TMEM156: variants seen among roughly 807,000 people sequenced by gnomAD.
TMEM156 encodes the protein transmembrane protein 156.
In TMEM156, 28 loss-of-function variants were observed where a neutral mutation model predicts 30.5. The ratio of observed to expected loss-of-function variants is 0.92; its 90% CI spans 0.68 to 1.26. The LOEUF (loss-of-function observed/expected upper bound fraction) is 1.26. Ranked by LOEUF, TMEM156 falls within the 50% of genes most tolerant of loss-of-function variation. TMEM156 has a pLI of 0.00. For synonymous variants in TMEM156, 137 were observed against 119.9 expected, an observed-to-expected ratio of 1.14 and a Z score of -0.93; for missense variants, 351 against 340.6, an observed-to-expected ratio of 1.03 and a Z score of -0.24.
At chr4:39,021,631 A>AT (rs1338068728) in intron 1 of TMEM156, among the ~76,000 whole-genome samples, 3 of 152,092 alleles carry the variant, frequency 2.0e-5, no homozygotes, top group Admixed American at 1.3e-4. Flanking sequence ...TATGCAGAAG[A>AT]TTTTTAGTTT....
chr4:38,971,167 A>G (rs760469289), intron 5 of TMEM156, 30 bp from the exon 6 acceptor site: 7 of 1,602,610 alleles, frequency 4.4e-6, no homozygotes, highest in Middle Eastern at 1.7e-4. Flanking sequence ...GTTTTAGTCT[A>G]TATGTAGTAA....
At position 38,988,985 on chromosome 4, in the gene TMEM156, A is replaced by G. The variant is rs1186076386; in HGVS notation, c.620-15T>C. 7.5e-6 allele frequency: 12 copies of G among 1,605,378 alleles called. No individual in the cohort carries two copies. Among genetic ancestry groups the G allele is most frequent in the African/African-American group, 2.7e-5 (2 of 74,482 alleles). The stretch of plus-strand genomic sequence containing the variant: ...ACAAGTGATATCTGTAAAGAAAACA[A>G]ATACTGTAAAAACCCAGTAAAATTA... On this transcript the variant is annotated splice_polypyrimidine_tract_variant and intron_variant, in intron 3 of 6. Coordinates refer to ENST00000381938, the MANE Select transcript of TMEM156 (RefSeq NM_024943.3).
intron 5 of TMEM156, among the ~76,000 whole-genome samples, chr4:38,971,841 G>C (rs918093877): frequency 1.3e-5 from 2 of 152,126 alleles, no homozygotes; most frequent in Non-Finnish European, 1.5e-5. Context: ...CCAGCCTAGA[G>C]TGCAATGGTG....
intron 6 of TMEM156, among the ~76,000 whole-genome samples, chr4:38,970,508 T>C (rs947772098): frequency 5.9e-5 from 9 of 152,112 alleles, no homozygotes; most frequent in African/African-American, 1.9e-4. Context: ...CCCCCTACAA[T>C]GGCTATTCCT....
At chr4:38,970,777 A>G (rs1722561119) in intron 6 of TMEM156, among the ~76,000 whole-genome samples, 1 of 152,190 alleles carries the variant, frequency 6.6e-6, no homozygotes, top group African/African-American at 2.4e-5. Flanking sequence ...CCAAGGGATA[A>G]GCTATCATCT....
At chr4:39,024,617 C>A (rs543102075) in intron 1 of TMEM156, among the ~76,000 whole-genome samples, 1 of 152,094 alleles carries the variant, frequency 6.6e-6, no homozygotes, top group African/African-American at 2.4e-5. Context: ...TAAGTGGGAG[C>A]TAAATGATGA....
intron 1 of TMEM156, among the ~76,000 whole-genome samples, chr4:39,018,893 C>T (rs531841766): frequency 6.6e-6 from 1 of 151,906 alleles, no homozygotes; most frequent in Non-Finnish European, 1.5e-5. Context: ...TGGTGGTGGG[C>T]TCCTATAATC....
chr4:38,985,509 A>T (rs1212935671), intron 5 of TMEM156, among the ~76,000 whole-genome samples: 1 of 152,124 alleles, frequency 6.6e-6, no homozygotes, highest in African/African-American at 2.4e-5. Context: ...GTCGCTACTG[A>T]TGCAGCTGTA....
chr4:39,026,698 G>T, intron 1 of TMEM156, among the ~76,000 whole-genome samples: 1 of 152,140 alleles, frequency 6.6e-6, no homozygotes, highest in Non-Finnish European at 1.5e-5. Context: ...AGGCTGAGGC[G>T]GGTGGGTCAC....
chr4:38,981,036 AC>A, intron 5 of TMEM156: 1 of 736,532 alleles, frequency 1.4e-6, no homozygotes. Flanking sequence ...CCATTCTGTA[AC>A]CAAGCAGATG....
At chr4:38,978,395 A>G (rs1289030593) in intron 5 of TMEM156, among the ~76,000 whole-genome samples, 1 of 152,174 alleles carries the variant, frequency 6.6e-6, no homozygotes, top group Non-Finnish European at 1.5e-5. Flanking sequence ...TGCCTCCTTG[A>G]GCACAAAGCT....
At chr4:38,989,312 A>G (rs959621361) in intron 3 of TMEM156, among the ~76,000 whole-genome samples, 1 of 152,240 alleles carries the variant, frequency 6.6e-6, no homozygotes, top group Non-Finnish European at 1.5e-5. Context: ...AGAACCACTT[A>G]CAATTCATAA....
chr4:38,997,152 C>T (rs1712988719), intron 2 of TMEM156, among the ~76,000 whole-genome samples: 1 of 152,190 alleles, frequency 6.6e-6, no homozygotes. Context: ...GCTACCAACC[C>T]TTAAAACACT....
chr4:38,980,697 A>G (rs1187059773), intron 5 of TMEM156, among the ~76,000 whole-genome samples: 1 of 152,236 alleles, frequency 6.6e-6, no homozygotes, highest in African/African-American at 2.4e-5. Flanking sequence ...GACCTAGTCC[A>G]GGAGGTCTGA....
intron 1 of TMEM156, among the ~76,000 whole-genome samples, chr4:39,013,069 T>C (rs2110026704): frequency 6.6e-6 from 1 of 151,998 alleles, no homozygotes; most frequent in East Asian, 1.9e-4. Context: ...GAGGCTACTG[T>C]GGGTGGGTCT....
chr4:39,024,783 A>G (rs897407998), intron 1 of TMEM156, among the ~76,000 whole-genome samples: 4 of 152,248 alleles, frequency 2.6e-5, no homozygotes, highest in African/African-American at 4.8e-5. Context: ...GCATTTACCT[A>G]TATAACAAAC....
chr4:38,999,398 C>G (rs931656076), intron 1 of TMEM156, among the ~76,000 whole-genome samples: 1 of 152,114 alleles, frequency 6.6e-6, no homozygotes, highest in Non-Finnish European at 1.5e-5. Context: ...TATAAAGAAG[C>G]GCTTGGAATC....
intron 3 of TMEM156, among the ~76,000 whole-genome samples, chr4:38,991,603 C>T (rs1244876650): frequency 3.9e-5 from 6 of 152,094 alleles, no homozygotes; most frequent in Admixed American, 1.3e-4. Flanking sequence ...CCACTGCTAT[C>T]TTTGTGGACA....
chr4:39,009,809 T>G (rs1258943792), intron 1 of TMEM156, among the ~76,000 whole-genome samples: 1 of 152,108 alleles, frequency 6.6e-6, no homozygotes, highest in East Asian at 1.9e-4. Flanking sequence ...CAGGCAAAAG[T>G]TGGAAGTGCT....
Sources: gnomAD v4.1 joint callset for allele counts (sites outside exome capture counted in the v4.1 genomes callset) on GRCh38, gnomAD v4.1.1 for gene constraint, MANE v1.5 for transcripts, NCBI Gene and HGNC (gene_info 2026-07-23, HGNC 2026-07-21) for gene names.